Variants in CSMD1 observed in about 807,000 individuals in gnomAD.
The protein encoded by CSMD1 is CUB and Sushi multiple domains 1.
A neutral mutation model predicts 417.5 loss-of-function variants in CSMD1; 213 were observed. The ratio of observed to expected loss-of-function variants is 0.51; its 90% confidence interval spans 0.46 to 0.57. The LOEUF (loss-of-function observed/expected upper bound fraction) is 0.57, where lower values mean the gene tolerates loss of function less well. Among genes scored for constraint, CSMD1 ranks in the 20% least tolerant of loss-of-function variants. CSMD1 has a pLI of 0.00. For synonymous variants in CSMD1, 2,862 were observed against 1,736.8 expected, an observed-to-expected ratio of 1.65 and a Z score of -16.11; for missense variants, 6,923 against 4,529.7, an observed-to-expected ratio of 1.53 and a Z score of -15.17.
intron 52 of CSMD1, among the ~76,000 whole-genome samples, chr8:3,007,839 T>C (rs1808068240): frequency 1.3e-5 from 2 of 150,802 alleles, no homozygotes; most frequent in South Asian, 2.1e-4. Context: ...AGTTAGTGGG[T>C]GCAGTGCACC....
At chr8:2,940,377 C>A (rs955603271) in intron 69 of CSMD1, among the ~76,000 whole-genome samples, 1 of 152,138 alleles carries the variant, frequency 6.6e-6, no homozygotes, top group African/African-American at 2.4e-5. Context: ...GAACAGCTTC[C>A]TTCATATTCA....
chr8:3,651,682 T>G (rs1252547724), intron 7 of CSMD1, among the ~76,000 whole-genome samples: 1 of 152,096 alleles, frequency 6.6e-6, no homozygotes, highest in East Asian at 1.9e-4. Context: ...ATCACTGTAC[T>G]TAACACCATC....
At chr8:3,627,389 T>G (rs1432947066) in intron 7 of CSMD1, among the ~76,000 whole-genome samples, 1 of 152,172 alleles carries the variant, frequency 6.6e-6, no homozygotes, top group Admixed American at 6.5e-5. Flanking sequence ...TATATATCCT[T>G]AAAGAAATCA....
intron 1 of CSMD1, among the ~76,000 whole-genome samples, chr8:4,866,180 G>A (rs1008229980): frequency 1.3e-5 from 2 of 151,860 alleles, no homozygotes; most frequent in Admixed American, 1.3e-4. Context: ...AGAGGTGGAT[G>A]ACCACCATTT....
Position 4,895,465 on chromosome 8 carries a change from T to G in CSMD1, c.85+98867A>C, listed in dbSNP as rs576581064. Among the ~76,000 whole-genome samples the G allele has an allele frequency of 6.6e-5, 10 of 152,294 alleles. No individual in the cohort carries two copies. In the East Asian group the frequency reaches 1.9e-3, roughly 29 times the overall value. On this transcript the variant is annotated intron_variant, in intron 1 of 69. Transcript: ENST00000635120. ...ATATCAACATTGTTATTCTGCTTTA[T>G]CATTGGCATTTGTCTAGTACATGTT...
chr8:3,494,036 C>A (rs7816584), intron 10 of CSMD1, among the ~76,000 whole-genome samples: 152,294 of 152,340 alleles, frequency 1, 76,124 homozygotes, highest in Middle Eastern at 1. Flanking sequence ...ATTCTCAGTG[C>A]TTAACTAAAT....
chr8:4,633,105 C>T (rs773448963), intron 2 of CSMD1, among the ~76,000 whole-genome samples: 1 of 152,154 alleles, frequency 6.6e-6, no homozygotes, highest in South Asian at 2.1e-4. Flanking sequence ...AGAGGGGAGC[C>T]TGGGGCAGGA....
intron 25 of CSMD1, among the ~76,000 whole-genome samples, chr8:3,287,556 T>C (rs1050261717): frequency 6.6e-6 from 1 of 152,126 alleles, no homozygotes; most frequent in Admixed American, 6.6e-5. Flanking sequence ...TTTATTCTCT[T>C]TGAAGCAATT....
intron 3 of CSMD1, among the ~76,000 whole-genome samples, chr8:4,330,352 T>C (rs1799799248): frequency 6.6e-6 from 1 of 151,716 alleles, no homozygotes; most frequent in Admixed American, 6.6e-5. Flanking sequence ...CCCAGTGCTT[T>C]AGGAGGACTA....
intron 3 of CSMD1, among the ~76,000 whole-genome samples, chr8:4,086,065 A>C (rs1412260483): frequency 1.3e-5 from 2 of 152,238 alleles, no homozygotes; most frequent in Non-Finnish European, 2.9e-5. Context: ...AAGTATCAAC[A>C]AACGTATTTT....
chr8:4,267,959 G>T (rs757348267), intron 3 of CSMD1, among the ~76,000 whole-genome samples: 6 of 151,934 alleles, frequency 3.9e-5, no homozygotes, highest in Non-Finnish European at 7.4e-5. Flanking sequence ...TACATTTTTG[G>T]ATCTATTTTC....
intron 2 of CSMD1, among the ~76,000 whole-genome samples, chr8:4,596,831 CA>C (rs1800305577): frequency 6.6e-6 from 1 of 152,128 alleles, no homozygotes; most frequent in Non-Finnish European, 1.5e-5. Context: ...GGGAGGGACC[CA>C]GGGGGAGGTA....
intron 5 of CSMD1, among the ~76,000 whole-genome samples, chr8:3,959,823 T>C (rs1298132461): frequency 6.6e-6 from 1 of 152,216 alleles, no homozygotes; most frequent in Non-Finnish European, 1.5e-5. Flanking sequence ...TCTGGCATTA[T>C]ACACCAAGTG....
intron 5 of CSMD1, among the ~76,000 whole-genome samples, chr8:3,865,510 G>T (rs531316283): frequency 3.9e-5 from 6 of 152,106 alleles, no homozygotes; most frequent in African/African-American, 9.6e-5. Flanking sequence ...TGACAATAGT[G>T]GGGGAAAGAG....
At chr8:4,220,943 C>T (rs1030195005) in intron 3 of CSMD1, among the ~76,000 whole-genome samples, 4 of 152,284 alleles carry the variant, frequency 2.6e-5, no homozygotes, top group Middle Eastern at 3.4e-3. Flanking sequence ...ACAGTTCACA[C>T]CACACGGTTG....
chr8:3,576,229 G>A (rs1188889541), intron 9 of CSMD1, among the ~76,000 whole-genome samples: 1 of 151,438 alleles, frequency 6.6e-6, no homozygotes, highest in Non-Finnish European at 1.5e-5. Context: ...TTTCCAAAGG[G>A]ACTCAAGAAC....
chr8:4,577,875 T>C (rs1003372249), intron 2 of CSMD1, among the ~76,000 whole-genome samples: 4 of 152,202 alleles, frequency 2.6e-5, no homozygotes, highest in African/African-American at 9.6e-5. Flanking sequence ...ATATATTTAA[T>C]AACTAAATAT....
chr8:4,099,391 C>T (rs11783258), intron 3 of CSMD1, among the ~76,000 whole-genome samples: 12,819 of 152,152 alleles, frequency 0.084, 691 homozygotes, highest in Non-Finnish European at 0.12. Flanking sequence ...CCTCCTATCG[C>T]TTACCTGAAG....
intron 26 of CSMD1, among the ~76,000 whole-genome samples, chr8:3,235,665 G>C (rs1231821846): frequency 2.0e-5 from 3 of 152,106 alleles, no homozygotes; most frequent in Non-Finnish European, 4.4e-5. Context: ...CCAAATAGAA[G>C]TCCACAGAAT....
Sources: allele counts gnomAD v4.1 joint callset (sites outside exome capture counted in the v4.1 genomes callset), GRCh38; gene constraint gnomAD v4.1.1; transcripts MANE v1.5; gene names NCBI Gene and HGNC (gene_info 2026-07-23, HGNC 2026-07-21).